VRK1: variants seen among roughly 807,000 people sequenced by gnomAD.
VRK1 encodes the protein VRK serine/threonine kinase 1, also known as serine/threonine-protein kinase VRK1.
Under a neutral mutation model 57.1 loss-of-function variants are expected in VRK1, and 33 were observed. That is an observed-to-expected ratio of 0.58 (90% CI 0.44 to 0.77). VRK1 has a LOEUF of 0.77. Among genes scored for constraint, VRK1 ranks in the 30% least tolerant of loss-of-function variants. The probability of loss-of-function intolerance (pLI) is 0.00; values close to 1 mark genes in which losing one functional copy is unlikely to be tolerated. For synonymous variants in VRK1, 137 were observed against 147.8 expected (o/e 0.93, Z 0.53); for missense variants, 413 against 477.3 (o/e 0.87, Z 1.25).
At chr14:96,869,434 T>C (rs1888725047) in intron 11 of VRK1, among the ~76,000 whole-genome samples, 1 of 152,234 alleles carries the variant, frequency 6.6e-6, no homozygotes, top group African/African-American at 2.4e-5. Context: ...CACATGTGAA[T>C]GAAGACTGGG....
intron 12 of VRK1, among the ~76,000 whole-genome samples, chr14:96,880,074 G>T (rs147814858): frequency 6.6e-6 from 1 of 152,044 alleles, no homozygotes; most frequent in Admixed American, 6.6e-5. Flanking sequence ...AGTATATAGG[G>T]TATGTATTAT....
At chr14:96,837,848 T>C in intron 3 of VRK1, 31 bp downstream of exon 3, 1 of 1,517,610 alleles carries the variant, frequency 6.6e-7, no homozygotes, top group Non-Finnish European at 8.9e-7. Flanking sequence ...TTTGTTTCTT[T>C]TCTGTTGATT....
At chr14:96,831,682 CAA>C (rs1374361655) in intron 1 of VRK1, among the ~76,000 whole-genome samples, 2 of 152,102 alleles carry the variant, frequency 1.3e-5, no homozygotes, top group Non-Finnish European at 2.9e-5. Context: ...CAGAAAAACA[CAA>C]AAGATTGTCC....
chr14:96,848,424 A>G (rs2139785349), intron 5 of VRK1, among the ~76,000 whole-genome samples: 1 of 152,248 alleles, frequency 6.6e-6, no homozygotes, highest in East Asian at 1.9e-4. Context: ...CCATGTGGAA[A>G]AGGATGGAAT....
At chr14:96,868,316 T>C (rs1438265384) in intron 11 of VRK1, among the ~76,000 whole-genome samples, 1 of 152,136 alleles carries the variant, frequency 6.6e-6, no homozygotes. Flanking sequence ...AGCTTTTAAG[T>C]ATCTGTGCTG....
chr14:96,872,995 A>G lies in VRK1; in HGVS notation c.1069-3035A>G, dbSNP rs139477682. 4.4e-3 allele frequency among the ~76,000 whole-genome samples: 666 copies of G among 152,298 alleles called. 4 individuals carry two copies. Among genetic ancestry groups the G allele is most frequent in the Non-Finnish European group, 7.2e-3 (492 of 68,022 alleles). ...ATATGACATATGTGCTATATGAAGCATTTTAAAACTTCTAGGCTGTATATT... is the reference window on the plus strand; with the variant it reads ...ATATGACATATGTGCTATATGAAGCGTTTTAAAACTTCTAGGCTGTATATT... On this transcript the variant is annotated intron_variant, in intron 11 of 12. Transcript: ENST00000216639.
intron 1 of VRK1, among the ~76,000 whole-genome samples, chr14:96,801,735 A>G (rs1194549343): frequency 1.3e-5 from 2 of 152,338 alleles, no homozygotes; most frequent in Non-Finnish European, 1.5e-5. Flanking sequence ...TTACAATACA[A>G]TAAGCTAGAG....
Position 96,855,353 on chromosome 14 carries a change from G to A in VRK1, c.706G>A (p.Val236Met), listed in dbSNP as rs771364038. 8.7e-6 allele frequency: 14 copies of A among 1,613,878 alleles called. No individual in the cohort carries two copies. In the Admixed American group the frequency reaches 1.0e-4, roughly 12 times the overall value. The change falls in exon 8 of 13, where the codon GTG becomes ATG. Residue 236 changes from valine (V) to methionine (M), a missense_variant. Physicochemically the swap from Val to Met is conservative, Grantham distance 21 (BLOSUM62 1). Transcript: ENST00000216639. ...EFTSIDAHNG[V>M]APSRRGDLEI... ...CACGAGCATCGATGCACACAATGGCGTGGGTATGTCAGTAGTACTGGAGTG... is the reference window on the plus strand; with the variant it reads ...CACGAGCATCGATGCACACAATGGCATGGGTATGTCAGTAGTACTGGAGTG...
intron 2 of VRK1, 43 bp from the exon 3 acceptor site, chr14:96,837,719 A>G (rs766371488): frequency 2.4e-6 from 3 of 1,276,486 alleles, no homozygotes; most frequent in Non-Finnish European, 3.3e-6. Flanking sequence ...TATATTTATA[A>G]TATTACTTGT....
chr14:96,860,181 A>G (rs1317889404), intron 10 of VRK1, among the ~76,000 whole-genome samples: 1 of 152,170 alleles, frequency 6.6e-6, no homozygotes, highest in African/African-American at 2.4e-5. Flanking sequence ...TTTGATGGCA[A>G]AAACATATTG....
intron 1 of VRK1, among the ~76,000 whole-genome samples, chr14:96,820,823 T>C (rs1036000558): frequency 5.3e-5 from 8 of 152,358 alleles, no homozygotes; most frequent in Non-Finnish European, 8.8e-5. Flanking sequence ...AGATAGATGT[T>C]ACTGCCTTAG....
At chr14:96,864,499 C>T (rs1464255791) in intron 11 of VRK1, among the ~76,000 whole-genome samples, 1 of 152,032 alleles carries the variant, frequency 6.6e-6, no homozygotes, top group Non-Finnish European at 1.5e-5. Flanking sequence ...TATGACTATA[C>T]CGTAATTTAT....
intron 1 of VRK1, among the ~76,000 whole-genome samples, chr14:96,812,622 T>C (rs1047718038): frequency 3.9e-5 from 6 of 152,248 alleles, no homozygotes; most frequent in Admixed American, 3.9e-4. Context: ...TCATTAACCT[T>C]TTAATGTTCA....
At chr14:96,854,971 TA>T (rs778560370) in intron 7 of VRK1, among the ~76,000 whole-genome samples, 9 of 152,172 alleles carry the variant, frequency 5.9e-5, no homozygotes, top group Non-Finnish European at 1.0e-4. Context: ...ATACTTATCT[TA>T]AAAAAGTATA....
intron 11 of VRK1, among the ~76,000 whole-genome samples, chr14:96,870,832 TAGG>T (rs1888792773): frequency 6.6e-6 from 1 of 152,184 alleles, no homozygotes; most frequent in Admixed American, 6.5e-5. Context: ...ATGTTTTTTC[TAGG>T]AGAATGGATG....
chr14:96,860,986 G>T, intron 11 of VRK1: 1 of 307,004 alleles, frequency 3.3e-6, no homozygotes, highest in South Asian at 5.2e-5. Context: ...TATCTGACAG[G>T]GAAATTTTGA....
At chr14:96,813,922 A>G (rs937609762) in intron 1 of VRK1, among the ~76,000 whole-genome samples, 4 of 152,180 alleles carry the variant, frequency 2.6e-5, no homozygotes, top group Non-Finnish European at 4.4e-5. Context: ...GTTTCCTTAT[A>G]TAATGATACA....
At chr14:96,861,673 G>C (rs771665092) in intron 11 of VRK1, among the ~76,000 whole-genome samples, 4 of 151,994 alleles carry the variant, frequency 2.6e-5, no homozygotes, top group Non-Finnish European at 5.9e-5. Context: ...TTTGAAATTG[G>C]ACCAAAAATT....
intron 3 of VRK1, among the ~76,000 whole-genome samples, chr14:96,838,254 A>C (rs1027745041): frequency 2.0e-5 from 3 of 151,778 alleles, no homozygotes; most frequent in Admixed American, 6.6e-5. Context: ...TAGTAAATTA[A>C]ATTATTTATT....
Sources: allele counts gnomAD v4.1 joint callset (sites outside exome capture counted in the v4.1 genomes callset), GRCh38; gene constraint gnomAD v4.1.1; transcripts MANE v1.5; gene names NCBI Gene and HGNC (gene_info 2026-07-23, HGNC 2026-07-21).